PKHD1: variants seen among roughly 807,000 people sequenced by gnomAD.
The protein encoded by PKHD1 is PKHD1 ciliary IPT domain containing fibrocystin/polyductin.
In PKHD1, 291 loss-of-function variants were observed where a neutral mutation model predicts 412.0. The ratio of observed to expected loss-of-function variants is 0.71; its 90% CI spans 0.64 to 0.78. The LOEUF is 0.78. PKHD1 is among the 30% of genes least tolerant of loss of function. The pLI, the probability that PKHD1 is intolerant of heterozygous loss-of-function variation, is 0.00. For missense variants in PKHD1, 4,825 were observed against 4,950.7 expected (o/e 0.97, Z 0.76); for synonymous variants, 1,777 against 1,821.5 (o/e 0.98, Z 0.62).
intron 43 of PKHD1, among the ~76,000 whole-genome samples, chr6:51,901,716 G>GTCA (rs1260857474): frequency 6.7e-6 from 1 of 149,910 alleles, no homozygotes; most frequent in African/African-American, 2.5e-5. Context: ...GAACTTTAAG[G>GTCA]TCACCAAGGA....
In PKHD1 at chr6:52,079,617, C is replaced by T. The variant is rs112860581; in HGVS notation, c.390+283G>A. Among the ~76,000 whole-genome samples the T allele has an allele frequency of 0.012, 1,865 of 152,192 alleles. 35 individuals carry two copies. The highest frequency in any genetic ancestry group is 0.043 in the African/African-American group (1,785 of 41,520). On this transcript the variant is annotated intron_variant, in intron 5 of 66. Coordinates refer to ENST00000371117, the MANE Select transcript of PKHD1 (RefSeq NM_138694.4). ...GGCAAATTATTTAATCACCCTGAGC[C>T]TCAGATTGTTCATTTGTAAAAACAG...
rs1237333385 is a variant in PKHD1, at chr6:51,883,244, G to A, written c.7216-17C>T. The A allele has an allele frequency of 6.2e-7, 1 of 1,611,554 alleles. No individual in the cohort carries two copies. The highest frequency in any genetic ancestry group is 8.5e-7 in the Non-Finnish European group (1 of 1,178,010). On this transcript the variant is annotated splice_polypyrimidine_tract_variant and intron_variant, in intron 45 of 66. Transcript: ENST00000371117. ...TCTAAAAATCTATAAAATACAGCAT[G>A]TTACAGCAAAGGTCTGAGGCTTGGT...
At chr6:51,736,590 T>G (rs1783880581) in intron 60 of PKHD1, among the ~76,000 whole-genome samples, 1 of 152,174 alleles carries the variant, frequency 6.6e-6, no homozygotes, top group South Asian at 2.1e-4. Flanking sequence ...ACCATAAATA[T>G]CTGCTGAAAT....
chr6:52,054,122 A>C lies in PKHD1; in HGVS notation c.1880T>G (p.Met627Arg). The C allele has an allele frequency of 6.2e-7, 1 of 1,612,940 alleles. No individual in the cohort carries two copies. Among genetic ancestry groups the C allele is most frequent in the Non-Finnish European group, 8.5e-7 (1 of 1,178,910 alleles). The change falls in exon 20 of 67, where the codon ATG (methionine) becomes AGG (arginine). Residue 627 changes from methionine (M) to arginine (R), a missense_variant. Coordinates refer to ENST00000371117, the MANE Select transcript of PKHD1 (RefSeq NM_138694.4). ...YKGHMNKILK[M>R]IVSFTIGFQN... The stretch of plus-strand genomic sequence containing the variant: ...AAAGCCGATTGTGAAGGACACAATC[A>C]TCTTCAGGATCTTGTTCATGTGGCC...
At chr6:52,056,079 G>A (rs1364759581) in intron 18 of PKHD1, among the ~76,000 whole-genome samples, 2 of 152,160 alleles carry the variant, frequency 1.3e-5, no homozygotes, top group Non-Finnish European at 2.9e-5. Flanking sequence ...AGCCCTGGGA[G>A]GAATGGCCAC....
Position 52,017,422 on chromosome 6 carries a change from C to T in PKHD1, c.5588G>A (p.Gly1863Asp), listed in dbSNP as rs794727578. The T allele has an allele frequency of 1.2e-6, 2 of 1,611,204 alleles. No individual in the cohort carries two copies. Among genetic ancestry groups the T allele is most frequent in the East Asian group, 4.5e-5 (2 of 44,868 alleles). Residue 1863 changes from glycine (G) to aspartate (D), a missense_variant, in exon 34 of 67, where the codon GGC (glycine) becomes GAC (aspartate). By Grantham distance (94) the Gly-to-Asp change is moderately conservative. Coordinates refer to ENST00000371117, the MANE Select transcript of PKHD1 (RefSeq NM_138694.4). ...AAGGTAAAGTTACCTGATAAAGAGG[C>T]CCGAGAATGATGGAAACATTGACTC... ...WAESMFPSFS[G>D]LFISPKLERD... is the part of the protein sequence containing the mutation.
At position 51,945,602 on chromosome 6, in the gene PKHD1, A is replaced by C. The variant is rs141807056; in HGVS notation, c.5909-11280T>G. Among the ~76,000 whole-genome samples, 11 of 152,358 alleles carry C rather than the reference A, an allele frequency of 7.2e-5. No homozygotes were observed. In the South Asian group the frequency reaches 8.3e-4, roughly 11 times the overall value. Reference sequence around the variant, plus strand: ...TAATCACTGAATTTTTTCTTAAGCAAGATATGAGATGCATAGTCAGGAATT... The same window carrying C: ...TAATCACTGAATTTTTTCTTAAGCACGATATGAGATGCATAGTCAGGAATT... On this transcript the variant is annotated intron_variant, in intron 36 of 66. Coordinates refer to ENST00000371117, the MANE Select transcript of PKHD1 (RefSeq NM_138694.4).
intron 52 of PKHD1, among the ~76,000 whole-genome samples, chr6:51,817,869 GGCAGAGT>G (rs958960758): frequency 3.3e-5 from 5 of 152,132 alleles, no homozygotes; most frequent in African/African-American, 1.2e-4. Context: ...AGACAGCCTG[GGCAGAGT>G]GCAGAACATT....
chr6:51,948,488 C>T (rs539581573), intron 36 of PKHD1, among the ~76,000 whole-genome samples: 6 of 152,290 alleles, frequency 3.9e-5, no homozygotes, highest in Admixed American at 6.5e-5. Flanking sequence ...CATTTTTCTC[C>T]ATGGTACTAA....
At chr6:51,797,724 A>G (rs1794823218) in intron 52 of PKHD1, among the ~76,000 whole-genome samples, 1 of 152,192 alleles carries the variant, frequency 6.6e-6, no homozygotes, top group Non-Finnish European at 1.5e-5. Flanking sequence ...TCTTGAAGAC[A>G]GCACACTGAT....
At chr6:52,000,647 CTG>C (rs1464420274) in intron 35 of PKHD1, among the ~76,000 whole-genome samples, 1 of 152,114 alleles carries the variant, frequency 6.6e-6, no homozygotes, top group African/African-American at 2.4e-5. Context: ...AGCACAGAAA[CTG>C]TTATTTTAAG....
In PKHD1 at chr6:51,618,981, C is replaced by G; in HGVS notation, c.*100G>C. Reference sequence around the variant, plus strand: ...GGATTCAGAGTCCACATTCTCTCTTCTTAGTTGTCCCAGCAGGACAGTCCT... The same window carrying G: ...GGATTCAGAGTCCACATTCTCTCTTGTTAGTTGTCCCAGCAGGACAGTCCT... On this transcript the variant is annotated 3_prime_UTR_variant, in exon 67 of 67. Transcript: ENST00000371117. The G allele has an allele frequency of 9.3e-7, 1 of 1,078,760 alleles. No individual in the cohort carries two copies. Among genetic ancestry groups the G allele is most frequent in the South Asian group, 1.3e-5 (1 of 79,444 alleles). The allele number at this position is 1,078,760 out of a possible 1,614,324, so 66.8% of individuals were successfully genotyped here.
chr6:51,856,171 C>T (rs1773276980), intron 48 of PKHD1, 101 bp from the exon 49 acceptor site: 1 of 803,704 alleles, frequency 1.2e-6, no homozygotes, highest in African/African-American at 1.7e-5. Context: ...TCTTTCCATT[C>T]TCTCCACATA....
rs762362495 is a variant in PKHD1, at chr6:52,076,374, A to G, written c.391-41T>C. On this transcript the variant is annotated intron_variant, in intron 5 of 66. Coordinates refer to ENST00000371117, the MANE Select transcript of PKHD1 (RefSeq NM_138694.4). The stretch of plus-strand genomic sequence containing the variant: ...TACCACAAGTGAGCATGTCATTAAA[A>G]TATTCACAAACACAGGAGGCACAAG... The G allele has an allele frequency of 6.1e-6, 9 of 1,482,872 alleles. No individual in the cohort carries two copies. The East Asian group carries it at 1.1e-4, about 19-fold the overall frequency. 91.9% of individuals were successfully genotyped at this position (1,482,872 alleles called of 1,614,324 possible).
chr6:52,028,310 A>G lies in PKHD1; in HGVS notation c.3406T>C (p.Tyr1136His), dbSNP rs369489244. The G allele has an allele frequency of 6.2e-7, 1 of 1,614,072 alleles. No individual in the cohort carries two copies. The highest frequency in any genetic ancestry group is 8.5e-7 in the Non-Finnish European group (1 of 1,180,014). The change falls in exon 30 of 67, where the codon TAT (tyrosine) becomes CAT (histidine). Residue 1136 changes from tyrosine (Y) to histidine (H), a missense_variant. Tyr to His is a moderately conservative substitution (Grantham distance 83). Transcript: ENST00000371117. ...TGGACTTCCACATCCAAATCCGTAT[A>G]GTTCATCAGCCTCGCCACTCCAATG... Reference protein sequence around the residue: ...LVIGVARLMNYTDLDVEVHVQ... With the variant: ...LVIGVARLMNHTDLDVEVHVQ...
At chr6:51,856,379 C>T (rs1296036943) in intron 48 of PKHD1, among the ~76,000 whole-genome samples, 2 of 152,124 alleles carry the variant, frequency 1.3e-5, no homozygotes, top group Non-Finnish European at 2.9e-5. Flanking sequence ...CTCTTGTTGC[C>T]CATGCTGGAG....
intron 52 of PKHD1, among the ~76,000 whole-genome samples, chr6:51,810,972 TA>T (rs1300675217): frequency 6.6e-6 from 1 of 152,226 alleles, no homozygotes; most frequent in Non-Finnish European, 1.5e-5. Flanking sequence ...TATTTAACTA[TA>T]ATTTGTGATT....
At chr6:51,652,063 C>T (rs1377678758) in intron 61 of PKHD1, among the ~76,000 whole-genome samples, 1 of 152,170 alleles carries the variant, frequency 6.6e-6, no homozygotes, top group Non-Finnish European at 1.5e-5. Context: ...GCTAATGTGA[C>T]TGTAGCCTGC....
chr6:51,696,632 T>C (rs1361473462), intron 60 of PKHD1, among the ~76,000 whole-genome samples: 1 of 152,150 alleles, frequency 6.6e-6, no homozygotes, highest in East Asian at 1.9e-4. Context: ...GATATCCTGC[T>C]CTAAAATCCA....
Sources: gnomAD v4.1 joint callset for allele counts (sites outside exome capture counted in the v4.1 genomes callset) on GRCh38, gnomAD v4.1.1 for gene constraint, MANE v1.5 for transcripts, NCBI Gene and HGNC (gene_info 2026-07-23, HGNC 2026-07-21) for gene names.